The following PSKH1 variants were observed in gnomAD, a reference collection of about 807,000 sequenced individuals.
The protein encoded by PSKH1 is protein serine kinase H1.
A neutral mutation model predicts 26.7 loss-of-function variants in PSKH1; 12 were observed. The observed-to-expected ratio is 0.45, with a 90% CI of 0.29 to 0.73. The LOEUF is 0.73. Ranked by LOEUF, PSKH1 falls within the 30% of genes least tolerant of loss-of-function variation. The pLI is 0.11. For missense variants in PSKH1, 431 were observed against 595.2 expected, an observed-to-expected ratio of 0.72 and a Z score of 2.87; for synonymous variants, 213 against 234.3, an observed-to-expected ratio of 0.91 and a Z score of 0.83.
At chr16:67,920,363 A>T (rs1238761145) in intron 2 of PSKH1, among the ~76,000 whole-genome samples, 1 of 152,102 alleles carries the variant, frequency 6.6e-6, no homozygotes, top group Non-Finnish European at 1.5e-5. Flanking sequence ...CCGGGCCCAA[A>T]CCATCTTCCT....
intron 2 of PSKH1, among the ~76,000 whole-genome samples, chr16:67,920,386 C>T (rs1002966824): frequency 7.9e-5 from 12 of 152,132 alleles, no homozygotes; most frequent in African/African-American, 2.7e-4. Flanking sequence ...CTCAGCCTTC[C>T]GAGTAGCTGG....
intron 1 of PSKH1, 103 bp from the exon 2 acceptor site, chr16:67,908,577 G>T: frequency 1.7e-6 from 1 of 573,222 alleles, no homozygotes; most frequent in Non-Finnish European, 3.0e-6. Flanking sequence ...CCAGGAGTTT[G>T]GTTTTAATGA....
chr16:67,919,445 G>A (rs1375905882), intron 2 of PSKH1, among the ~76,000 whole-genome samples: 1 of 152,210 alleles, frequency 6.6e-6, no homozygotes, highest in Non-Finnish European at 1.5e-5. Context: ...CAGCCTGCTG[G>A]GGCTGCTGCA....
chr16:67,898,563 T>A (rs2058133020), intron 1 of PSKH1, among the ~76,000 whole-genome samples: 2 of 152,058 alleles, frequency 1.3e-5, no homozygotes. Context: ...ATTTCTGTAA[T>A]TATTGAGAAA....
intron 2 of PSKH1, among the ~76,000 whole-genome samples, chr16:67,919,283 C>T (rs1334893247): frequency 2.0e-5 from 3 of 152,208 alleles, no homozygotes; most frequent in Non-Finnish European, 4.4e-5. Flanking sequence ...GTGATGGACC[C>T]ATCAGCTCAA....
intron 1 of PSKH1, among the ~76,000 whole-genome samples, chr16:67,902,772 G>A (rs1397497106): frequency 6.6e-6 from 1 of 152,076 alleles, no homozygotes; most frequent in East Asian, 1.9e-4. Context: ...GCTGTGCTGG[G>A]TTACTCATGC....
chr16:67,925,160 G>A (rs1389308012), intron 2 of PSKH1, among the ~76,000 whole-genome samples: 1 of 151,502 alleles, frequency 6.6e-6, no homozygotes, highest in Admixed American at 6.6e-5. Flanking sequence ...GTCTAGTCCA[G>A]TTGCCCTGCA....
In PSKH1 at chr16:67,902,615, C is replaced by T. The variant is rs1012179307; in HGVS notation, c.-70-6065C>T. ...CCAGCCAGGCCTTTTCTTTTATAAA[C>T]CTTAGGTTTTTCCCTGAGGACCAGA... On this transcript the variant is annotated intron_variant, in intron 1 of 2. Coordinates refer to ENST00000291041, the MANE Select transcript of PSKH1 (RefSeq NM_006742.3). 5.9e-5 allele frequency among the ~76,000 whole-genome samples: 9 copies of T among 152,080 alleles called. No homozygotes were observed. The South Asian group carries it at 1.9e-3, about 31-fold the overall frequency.
rs199826112 is a variant in PSKH1 at position 67,921,973 on chromosome 16, C to CT, written c.958-5340dup. Among the ~76,000 whole-genome samples, 632 of 146,110 alleles carry CT rather than the reference C, an allele frequency of 4.3e-3. 3 individuals are homozygous for CT. Among genetic ancestry groups the CT allele is most frequent in the East Asian group, 0.013 (66 of 5,028 alleles). On this transcript the variant is annotated intron_variant, in intron 2 of 2. Coordinates refer to ENST00000291041, the MANE Select transcript of PSKH1 (RefSeq NM_006742.3). Reference sequence around the variant, plus strand: ...TTCTCATTTTAATCTTTATTCTCTGCTTTTTTTTTTTTAATTCTCTACTTG... The same window carrying CT: ...TTCTCATTTTAATCTTTATTCTCTGCTTTTTTTTTTTTTAATTCTCTACTTG...
chr16:67,901,891 T>G (rs572446175), intron 1 of PSKH1, among the ~76,000 whole-genome samples: 19 of 152,152 alleles, frequency 1.2e-4, no homozygotes, highest in Admixed American at 1.2e-3. Context: ...CCTCCCAGAG[T>G]GCTAGGATCA....
At chr16:67,903,123 A>C (rs2058146342) in intron 1 of PSKH1, 1 of 152,108 alleles carries the variant, frequency 6.6e-6, no homozygotes, top group South Asian at 2.1e-4. Context: ...ATGTGAAGAA[A>C]AATAAACAAT....
At chr16:67,917,755 G>T (rs983497072) in intron 2 of PSKH1, among the ~76,000 whole-genome samples, 3 of 152,136 alleles carry the variant, frequency 2.0e-5, no homozygotes, top group Non-Finnish European at 4.4e-5. Flanking sequence ...GCACAGGCAG[G>T]GGGAGGATTT....
At position 67,927,860 on chromosome 16, in the gene PSKH1, C is replaced by T. The variant is rs1292802314; in HGVS notation, c.*218C>T. 6 of 597,876 alleles carry T rather than the reference C, an allele frequency of 1.0e-5. No homozygotes were observed. Among genetic ancestry groups the T allele is most frequent in the Admixed American group, 3.1e-5 (1 of 31,964 alleles). The allele number at this position is 597,876 out of a possible 1,614,324, so 37.0% of individuals were successfully genotyped here. A position where few individuals can be genotyped will look rare whatever the true frequency, so the allele number is the denominator to read the frequency against. On this transcript the variant is annotated 3_prime_UTR_variant, in exon 3 of 3. Transcript: ENST00000291041. The surrounding 1 kb of genome is among the most constrained non-coding windows in gnomAD (Gnocchi z 5.5). Reference sequence around the variant, plus strand: ...AGAGGTAGCACAGGGGGCTGTGACTCCCCCTGAACTGGGAGCCTGGCCTGG... The same window carrying T: ...AGAGGTAGCACAGGGGGCTGTGACTTCCCCTGAACTGGGAGCCTGGCCTGG...
At position 67,924,966 on chromosome 16, in the gene PSKH1, T is replaced by A. The variant is rs141150960; in HGVS notation, c.958-2359T>A. ...TGGAGCTTTCTTTTTTAAAAAAAAA[T>A]TTATTAATTTTTTTTTTTCTTTGAG... On this transcript the variant is annotated intron_variant, in intron 2 of 2. Transcript: ENST00000291041. Among the ~76,000 whole-genome samples, 121 of 150,148 alleles carry A rather than the reference T, an allele frequency of 8.1e-4. No individual in the cohort carries two copies. In the East Asian group the frequency reaches 8.5e-3, roughly 11 times the overall value.
intron 1 of PSKH1, among the ~76,000 whole-genome samples, chr16:67,901,298 A>G (rs2058141274): frequency 6.6e-6 from 1 of 152,124 alleles, no homozygotes; most frequent in Non-Finnish European, 1.5e-5. Flanking sequence ...AGGGAAAATC[A>G]TTGACTCTCT....
chr16:67,915,046 A>G (rs112237005), intron 2 of PSKH1, among the ~76,000 whole-genome samples: 6 of 152,242 alleles, frequency 3.9e-5, no homozygotes, highest in African/African-American at 1.4e-4. Context: ...TGAGGGTTGG[A>G]AAATGACGAA....
Position 67,908,560 on chromosome 16 carries a change from C to T in PSKH1, c.-70-120C>T, listed in dbSNP as rs1598189087. Reference sequence around the variant, plus strand: ...TTGGGATTACAGGTGTGAGCCATCACGCCTGGCCAGGAGTTTGGTTTTAAT... The same window carrying T: ...TTGGGATTACAGGTGTGAGCCATCATGCCTGGCCAGGAGTTTGGTTTTAAT... On this transcript the variant is annotated intron_variant, in intron 1 of 2. Transcript: ENST00000291041. The T allele has an allele frequency of 2.4e-5, 13 of 547,910 alleles. No individual in the cohort carries two copies. In the East Asian group the frequency reaches 2.8e-4, roughly 12 times the overall value. The allele number at this position is 547,910 out of a possible 1,614,324, so 33.9% of individuals were successfully genotyped here.
At chr16:67,908,219 C>G (rs572583945) in intron 1 of PSKH1, among the ~76,000 whole-genome samples, 157 of 152,236 alleles carry the variant, frequency 1.0e-3, no homozygotes, top group African/African-American at 3.6e-3. Context: ...GGCTCTTGAA[C>G]AGCAAAGCCA....
intron 1 of PSKH1, among the ~76,000 whole-genome samples, chr16:67,906,105 C>T (rs1471814733): frequency 1.3e-5 from 2 of 151,922 alleles, no homozygotes; most frequent in Non-Finnish European, 2.9e-5. Flanking sequence ...CAGAGTTTCA[C>T]TCTTGTTGCC....
Sources: allele counts gnomAD v4.1 joint callset (sites outside exome capture counted in the v4.1 genomes callset), GRCh38; gene constraint gnomAD v4.1.1; non-coding constraint Gnocchi (gnomAD v3.1); transcripts MANE v1.5; gene names NCBI Gene and HGNC (gene_info 2026-07-23, HGNC 2026-07-21).